MYH13: variants seen among roughly 807,000 people sequenced by gnomAD.
MYH13 encodes the protein myosin heavy chain 13, also known as myosin-13.
MYH13 carries 177 observed loss-of-function variants against 232.1 expected under a neutral mutation model. The ratio of observed to expected loss-of-function variants is 0.76; its 90% CI spans 0.67 to 0.86. The LOEUF is 0.86. MYH13 is among the 40% of genes least tolerant of loss of function. MYH13 has a pLI of 0.00. For missense variants in MYH13, 2,246 were observed against 2,405.9 expected (o/e 0.93, Z 1.39); for synonymous variants, 884 against 923.5 (o/e 0.96, Z 0.78).
chr17:10,309,745 A>G lies in MYH13; in HGVS notation c.4742T>C (p.Ile1581Thr), dbSNP rs1388062678. Residue 1581 changes from isoleucine to threonine, a missense_variant, in exon 34 of 41, where the codon ATT (isoleucine) becomes ACT (threonine). Transcript: ENST00000252172. ...QVKSELDRKVIEKDEEIEQLK... is the reference protein window; with the variant it reads ...QVKSELDRKVTEKDEEIEQLK... ...CTGCTCGATTTCTTCATCCTTCTCA[A>G]TGACCTTGCGGTCTAGCTCGGATTT... The G allele has an allele frequency of 6.2e-7, 1 of 1,602,386 alleles. No individual in the cohort carries two copies. Among genetic ancestry groups the G allele is most frequent in the Non-Finnish European group, 8.5e-7 (1 of 1,174,382 alleles).
At chr17:10,314,087 G>A (rs1317604771) in intron 29 of MYH13, among the ~76,000 whole-genome samples, 2 of 152,212 alleles carry the variant, frequency 1.3e-5, no homozygotes, top group African/African-American at 4.8e-5. Context: ...AGAGAGTTCT[G>A]TCAGCCCACT....
intron 24 of MYH13, 55 bp from the exon 25 acceptor site, chr17:10,320,551 G>A (rs1475599599): frequency 1.2e-5 from 19 of 1,564,196 alleles, no homozygotes; most frequent in African/African-American, 2.7e-5. Context: ...TGTTTGCCCC[G>A]TTTATCCAGT....
rs200236843 is a variant in MYH13 at position 10,313,296 on chromosome 17, C to T, written c.4043G>A (p.Arg1348Gln). ...TTCCTGCTCCTCCTCATACTGTTCC[C>T]GCAGCAGGTCACAGTCGTGGCGGGA... is the stretch of plus-strand genomic sequence containing the variant. ...QSSRHDCDLL[R>Q]EQYEEEQEAK... is the part of the protein sequence containing the mutation. The change falls in exon 30 of 41, where the codon CGG becomes CAG. Residue 1348 changes from arginine to glutamine, a missense_variant. Transcript: ENST00000252172. 6.6e-5 allele frequency: 107 copies of T among 1,614,124 alleles called. No homozygotes were observed. Among genetic ancestry groups the T allele is most frequent in the Non-Finnish European group, 8.1e-5 (95 of 1,180,056 alleles).
At chr17:10,301,815 T>C in intron 39 of MYH13, 112 bp from the exon 40 acceptor site, 1 of 1,396,910 alleles carries the variant, frequency 7.2e-7, no homozygotes, top group Admixed American at 2.5e-5. Flanking sequence ...CTGGATTCCC[T>C]GATGGCAGAG....
At chr17:10,303,959 A>G (rs1014858745) in intron 37 of MYH13, among the ~76,000 whole-genome samples, 1 of 152,206 alleles carries the variant, frequency 6.6e-6, no homozygotes, top group Non-Finnish European at 1.5e-5. Flanking sequence ...GGATGAGTTC[A>G]TGTCCTTTTC....
chr17:10,309,667 G>T lies in MYH13; in HGVS notation c.4820C>A (p.Ala1607Asp). The T allele has an allele frequency of 6.2e-7, 1 of 1,610,602 alleles. No homozygotes were observed. ...AAEALQSVLD[A>D]EIRSRNDALR... ...GGCGTCGTTCCGGCTGCGGATTTCAGCATCCAGCACGCTCTGCAGGGCCTC... is the reference window on the plus strand; with the variant it reads ...GGCGTCGTTCCGGCTGCGGATTTCATCATCCAGCACGCTCTGCAGGGCCTC... The change falls in exon 34 of 41, where the codon GCT becomes GAT. Residue 1607 changes from alanine (A) to aspartate (D), a missense_variant. Coordinates refer to ENST00000252172, the MANE Select transcript of MYH13 (RefSeq NM_003802.3).
chr17:10,351,135 C>A, intron 11 of MYH13, among the ~76,000 whole-genome samples: 1 of 144,086 alleles, frequency 6.9e-6, no homozygotes, highest in Non-Finnish European at 1.5e-5. Context: ...GCAGGAGAAT[C>A]ACTTGAACCT....
At position 10,338,313 on chromosome 17, in the gene MYH13, G is replaced by A. The variant is rs536046660; in HGVS notation, c.2056+1837C>T. Among the ~76,000 whole-genome samples, 41 of 149,748 alleles carry A rather than the reference G, an allele frequency of 2.7e-4. No individual in the cohort carries two copies. The Middle Eastern group carries it at 0.01, about 37-fold the overall frequency. ...CAACACTGGAGAAGCCGGCTCATTG[G>A]TCAGGAGGCTGCAGGATGCCCCAGA... On this transcript the variant is annotated intron_variant, in intron 18 of 40. Transcript: ENST00000252172.
intron 38 of MYH13, 49 bp from the exon 39 acceptor site, chr17:10,303,340 C>G (rs201316135): frequency 6.2e-7 from 1 of 1,612,744 alleles, no homozygotes; most frequent in Non-Finnish European, 8.5e-7. Context: ...ATGGTCACTT[C>G]TGATGGGGCT....
chr17:10,355,170 A>C (rs2071740024), intron 8 of MYH13, 23 bp from the exon 9 acceptor site: 1 of 1,557,376 alleles, frequency 6.4e-7, no homozygotes, highest in South Asian at 1.2e-5. Context: ...AGGTGGACAA[A>C]TGTTACGGTT....
Position 10,364,546 on chromosome 17 carries a change from G to T in MYH13, c.-12-4C>A, listed in dbSNP as rs375868826. The T allele has an allele frequency of 1.3e-5, 20 of 1,572,770 alleles. No homozygotes were observed. The African/African-American group carries it at 2.4e-4, about 19-fold the overall frequency. On this transcript the variant is annotated splice_polypyrimidine_tract_variant and splice_region_variant and intron_variant, in intron 2 of 40. Transcript: ENST00000252172. ...CAGAGCTCATGACTGCAGAGGGCTG[G>T]GAAGACCAGAGGGACTGCTGAGTCT... is the stretch of plus-strand genomic sequence containing the variant.
chr17:10,326,146 A>G (rs1597379042), intron 22 of MYH13, among the ~76,000 whole-genome samples: 1 of 152,310 alleles, frequency 6.6e-6, no homozygotes, highest in South Asian at 2.1e-4. Flanking sequence ...TACTCTGACT[A>G]TGCCCATTTT....
chr17:10,332,903 G>A (rs897415208), intron 19 of MYH13, among the ~76,000 whole-genome samples, 171 bp downstream of exon 19: 2 of 152,194 alleles, frequency 1.3e-5, no homozygotes, highest in African/African-American at 4.8e-5. Flanking sequence ...GAACCACTTG[G>A]GCTGGCCCAC....
intron 3 of MYH13, among the ~76,000 whole-genome samples, chr17:10,363,579 A>G (rs141989752): frequency 2.6e-4 from 40 of 152,230 alleles, no homozygotes; most frequent in African/African-American, 9.4e-4. Flanking sequence ...CTGAATCTTT[A>G]AGGACTGGGA....
rs527748477 is a variant in MYH13 at position 10,360,186 on chromosome 17, G to A, written c.508C>T (p.Arg170Ter). 4.3e-6 allele frequency: 7 copies of A among 1,613,384 alleles called. No homozygotes were observed. The highest frequency in any genetic ancestry group is 1.7e-4 in the Middle Eastern group (1 of 6,060). Residue 170 changes from arginine (R) to a stop codon, truncating the protein, a stop_gained and splice_region_variant, in exon 6 of 41, where the codon CGA becomes TGA. Coordinates refer to ENST00000252172, the MANE Select transcript of MYH13 (RefSeq NM_003802.3). LOFTEE classifies it high-confidence loss of function. Reference sequence around the variant, plus strand: ...GTGATGAGGATAGACTGGTTGTCTCGATCTAGAAATGCAGAGGGAAGCAAA... The same window carrying A: ...GTGATGAGGATAGACTGGTTGTCTCAATCTAGAAATGCAGAGGGAAGCAAA... ...DNAYQFMLTD[R>*]DNQSILITGE...
At chr17:10,308,620 G>C (rs1166872249) in intron 35 of MYH13, among the ~76,000 whole-genome samples, 1 of 151,768 alleles carries the variant, frequency 6.6e-6, no homozygotes, top group Non-Finnish European at 1.5e-5. Flanking sequence ...TAATATGCTT[G>C]ACTTTTTTCT....
intron 21 of MYH13, among the ~76,000 whole-genome samples, chr17:10,329,119 T>A (rs1178579924): frequency 6.6e-6 from 1 of 152,174 alleles, no homozygotes; most frequent in East Asian, 1.9e-4. Context: ...ATTCTTTTCA[T>A]CTCCGTGCTG....
At chr17:10,329,088 G>GCTTCTCTTTCC (rs1431436083) in intron 21 of MYH13, among the ~76,000 whole-genome samples, 1 of 152,104 alleles carries the variant, frequency 6.6e-6, no homozygotes, top group Non-Finnish European at 1.5e-5. Context: ...CTGAACACTG[G>GCTTCTCTTTCC]CTTCTCTTTC....
Position 10,333,146 on chromosome 17 carries a change from C to G in MYH13, c.2102G>C (p.Gly701Ala). Residue 701 changes from glycine (G) to alanine (A), a missense_variant, in exon 19 of 41, where the codon GGG becomes GCG. Coordinates refer to ENST00000252172, the MANE Select transcript of MYH13 (RefSeq NM_003802.3). ...GCAAATCCGGATGCCCTCGAGGACC[C>G]CGTTACAGCGCAGCTGGTGCATGAC... ...YLVMHQLRCN[G>A]VLEGIRICRK... The G allele has an allele frequency of 6.4e-7, 1 of 1,551,910 alleles. No individual in the cohort carries two copies. Among genetic ancestry groups the G allele is most frequent in the Non-Finnish European group, 8.7e-7 (1 of 1,147,084 alleles).
Sources: gnomAD v4.1 joint callset for allele counts (sites outside exome capture counted in the v4.1 genomes callset) on GRCh38, gnomAD v4.1.1 for gene constraint, MANE v1.5 for transcripts, NCBI Gene and HGNC (gene_info 2026-07-23, HGNC 2026-07-21) for gene names.